CLASP1: variants seen among roughly 807,000 people sequenced by gnomAD.
CLASP1 encodes cytoplasmic linker associated protein 1, also known as CLIP-associating protein 1.
CLASP1 carries 38 observed loss-of-function variants against 192.3 expected under a neutral mutation model. The ratio of observed to expected loss-of-function variants is 0.20; its 90% CI spans 0.15 to 0.26. The LOEUF (loss-of-function observed/expected upper bound fraction) is 0.26, where lower values mean the gene tolerates loss of function less well. Among genes scored for constraint, CLASP1 ranks in the 10% least tolerant of loss-of-function variants. CLASP1 has a pLI of 1.00. For synonymous variants in CLASP1, 691 were observed against 712.8 expected (o/e 0.97, Z 0.49); for missense variants, 1,433 against 1,932.5 (o/e 0.74, Z 4.85).
In CLASP1 at chr2:121,387,104, G is replaced by A; in HGVS notation, c.3374+18C>T. ...TTTAGTTTCTTTACATCTGTGGAAAGTAAAGAAGTGACCTTACCTTGGAGA... is the reference window on the plus strand; with the variant it reads ...TTTAGTTTCTTTACATCTGTGGAAAATAAAGAAGTGACCTTACCTTGGAGA... On this transcript the variant is annotated intron_variant, in intron 32 of 39. Coordinates refer to ENST00000263710, the Ensembl canonical transcript of CLASP1. The A allele has an allele frequency of 6.3e-7, 1 of 1,597,470 alleles. No individual in the cohort carries two copies. Among genetic ancestry groups the A allele is most frequent in the Non-Finnish European group, 8.6e-7 (1 of 1,165,640 alleles).
At chr2:121,557,495 A>T (rs1354139372) in intron 2 of CLASP1, among the ~76,000 whole-genome samples, 1 of 151,868 alleles carries the variant, frequency 6.6e-6, no homozygotes, top group African/African-American at 2.4e-5. Flanking sequence ...GAGGCAGGAG[A>T]ATCGCTTGAA....
chr2:121,423,070 T>A (rs1401640045), intron 22 of CLASP1, among the ~76,000 whole-genome samples: 2 of 152,126 alleles, frequency 1.3e-5, no homozygotes, highest in Non-Finnish European at 2.9e-5. Flanking sequence ...GCCACCCTAT[T>A]AAATGCAATC....
At chr2:121,530,795 G>T (rs917717371) in intron 2 of CLASP1, 23 of 602,976 alleles carry the variant, frequency 3.8e-5, no homozygotes, top group African/African-American at 2.9e-4. Flanking sequence ...CTACCAGACC[G>T]ACTAGGGCGA....
chr2:121,528,548 A>AT, intron 4 of CLASP1, 129 bp downstream of exon 4: 1 of 707,098 alleles, frequency 1.4e-6, no homozygotes, highest in East Asian at 2.5e-5. Flanking sequence ...TGCTGTGAAA[A>AT]TTTTTATCTG....
exon 32 of CLASP1, chr2:121,387,164 A>T: frequency 6.2e-7 from 1 of 1,613,662 alleles, no homozygotes; most frequent in South Asian, 1.1e-5. Context: ...GGGTGAGGTC[A>T]GGGGGCTGGT....
At chr2:121,507,311 C>T (rs566868788) in intron 7 of CLASP1, among the ~76,000 whole-genome samples, 46 of 152,210 alleles carry the variant, frequency 3.0e-4, no homozygotes, top group African/African-American at 9.9e-4. Flanking sequence ...ATTAAAAATT[C>T]ACCAGGAGGA....
At position 121,530,995 on chromosome 2, in the gene CLASP1, A is replaced by G. The variant is rs982261295; in HGVS notation, c.196-670T>C. 21 of 700,162 alleles carry G rather than the reference A, an allele frequency of 3.0e-5. No individual in the cohort carries two copies. The highest frequency in any genetic ancestry group is 1.1e-4 in the East Asian group (4 of 37,304). The allele number at this position is 700,162 out of a possible 1,614,324, so 43.4% of individuals were successfully genotyped here. A position where few individuals can be genotyped will look rare whatever the true frequency, so the allele number is the denominator to read the frequency against. ...TAGAGCTTTTGCTTTATTTTGGTGC[A>G]ATTTTTGGAAAAATGAAAACCTGTT... On this transcript the variant is annotated intron_variant, in intron 2 of 39. Transcript: ENST00000263710.
chr2:121,431,051 T>C (rs887783195), intron 19 of CLASP1, among the ~76,000 whole-genome samples: 2 of 150,974 alleles, frequency 1.3e-5, no homozygotes, highest in Admixed American at 6.6e-5. Flanking sequence ...TCAATGAGGA[T>C]AGGAAAAACA....
At chr2:121,466,558 A>G (rs1357046389) in intron 9 of CLASP1, among the ~76,000 whole-genome samples, 2 of 152,204 alleles carry the variant, frequency 1.3e-5, no homozygotes, top group African/African-American at 4.8e-5. Context: ...CAAAGCTCAC[A>G]GCCATCAGTG....
At chr2:121,418,186 G>A (rs761300990) in intron 23 of CLASP1, among the ~76,000 whole-genome samples, 9 of 152,152 alleles carry the variant, frequency 5.9e-5, no homozygotes, top group Non-Finnish European at 1.0e-4. Flanking sequence ...AAACATTATC[G>A]CTATTGTACT....
chr2:121,457,544 C>T (rs2086961450), intron 14 of CLASP1, 143 bp downstream of exon 14: 2 of 638,130 alleles, frequency 3.1e-6, no homozygotes, highest in Non-Finnish European at 5.5e-6. Flanking sequence ...GATCTTGATT[C>T]TTCAACTCAA....
At chr2:121,586,756 T>C (rs1576255744) in intron 2 of CLASP1, among the ~76,000 whole-genome samples, 1 of 152,188 alleles carries the variant, frequency 6.6e-6, no homozygotes, top group African/African-American at 2.4e-5. Context: ...TCATTGTATA[T>C]GAAGAGCTGC....
At chr2:121,506,031 A>G (rs1156970486) in intron 7 of CLASP1, among the ~76,000 whole-genome samples, 1 of 152,198 alleles carries the variant, frequency 6.6e-6, no homozygotes, top group Non-Finnish European at 1.5e-5. Context: ...AGAGAAAGAA[A>G]AAGTTTTTTT....
rs76603172 is a variant in CLASP1 at position 121,341,197 on chromosome 2, C to A, written c.4531-250G>T. Among the ~76,000 whole-genome samples the A allele has an allele frequency of 6.5e-3, 984 of 152,292 alleles. 15 individuals are homozygous for A. Among genetic ancestry groups the A allele is most frequent in the African/African-American group, 0.023 (940 of 41,558 alleles). On this transcript the variant is annotated intron_variant, in intron 39 of 39. Coordinates refer to ENST00000263710, the Ensembl canonical transcript of CLASP1. ...GGAAAAGCCGTGGGCAATTACAAGA[C>A]CACCACCAGGTGTCACAACTAGGTG... is the stretch of plus-strand genomic sequence containing the variant.
At chr2:121,356,415 C>T (rs1253934827) in intron 37 of CLASP1, among the ~76,000 whole-genome samples, 6 of 152,116 alleles carry the variant, frequency 3.9e-5, no homozygotes, top group Admixed American at 6.6e-5. Context: ...GAACCTGGGA[C>T]GAGAGTCCTC....
intron 13 of CLASP1, among the ~76,000 whole-genome samples, chr2:121,457,983 A>G (rs1397719886): frequency 6.6e-6 from 1 of 152,220 alleles, no homozygotes; most frequent in Admixed American, 6.5e-5. Flanking sequence ...TAAGCCTAAA[A>G]CAATCATTAG....
intron 5 of CLASP1, 123 bp downstream of exon 5, chr2:121,527,676 A>G: frequency 1.4e-6 from 1 of 699,974 alleles, no homozygotes; most frequent in Non-Finnish European, 2.5e-6. Flanking sequence ...AAGGGTGGGT[A>G]AAGGGGGCAT....
At chr2:121,548,069 C>T (rs916969757) in intron 2 of CLASP1, among the ~76,000 whole-genome samples, 4 of 152,186 alleles carry the variant, frequency 2.6e-5, no homozygotes, top group Admixed American at 6.5e-5. Flanking sequence ...CCAGGCTGAG[C>T]TGGCTGAATG....
At chr2:121,504,235 AAAAAAAAAAAG>A (rs1398117490) in intron 7 of CLASP1, among the ~76,000 whole-genome samples, 2 of 150,648 alleles carry the variant, frequency 1.3e-5, no homozygotes, top group African/African-American at 2.5e-5. Flanking sequence ...TCCGTCTCAA[AAAAAAAAAAAG>A]AAAGAAAAAA....
Sources: gnomAD v4.1 joint callset for allele counts (sites outside exome capture counted in the v4.1 genomes callset) on GRCh38, gnomAD v4.1.1 for gene constraint, MANE v1.5 for transcripts, NCBI Gene and HGNC (gene_info 2026-07-23, HGNC 2026-07-21) for gene names.